Variants in USH1C observed in about 807,000 individuals in gnomAD.
USH1C encodes harmonin.
USH1C carries 90 observed loss-of-function variants against 119.3 expected under a neutral mutation model. The ratio of observed to expected loss-of-function variants is 0.75; its 90% CI spans 0.64 to 0.90. The LOEUF is 0.90. Ranked by LOEUF, USH1C falls within the 40% of genes least tolerant of loss-of-function variation. The probability of loss-of-function intolerance (pLI) is 0.00; values close to 1 mark genes in which losing one functional copy is unlikely to be tolerated. For synonymous variants in USH1C, 465 were observed against 443.3 expected (o/e 1.05, Z -0.62); for missense variants, 1,165 against 1,167.7 (o/e 1.00, Z 0.03).
In USH1C at chr11:17,495,593, C is replaced by T; in HGVS notation, c.2631G>A (p.Gly877=). ...CCGTGGGCTCCAGCTGCAGGAGGAA[C>T]CCGTGTCTGTGCACGGCAGCACGGT... is the stretch of plus-strand genomic sequence containing the variant. ...LEDRAAVHRH[G]FLLQLEPTDL... The change falls in exon 26 of 27, where the codon GGG becomes GGA. Residue 877 remains glycine, a synonymous_variant. Coordinates refer to ENST00000005226, the MANE Select transcript of USH1C (RefSeq NM_153676.4). The T allele has an allele frequency of 6.2e-7, 1 of 1,614,176 alleles. No individual in the cohort carries two copies.
chr11:17,523,771 T>C (rs1234090581), intron 9 of USH1C, among the ~76,000 whole-genome samples: 1 of 152,230 alleles, frequency 6.6e-6, no homozygotes, highest in Admixed American at 6.5e-5. Context: ...AAAATCACAG[T>C]TTGCAGATGC....
At position 17,531,366 on chromosome 11, in the gene USH1C, C is replaced by T; in HGVS notation, c.248+33G>A. ...GCCCCGCCCAGGGTGATCTCTCCAC[C>T]CCCTGCCTCCAGCCTGGTGGCTTCC... is the stretch of plus-strand genomic sequence containing the variant. On this transcript the variant is annotated intron_variant, in intron 3 of 26. Coordinates refer to ENST00000005226, the MANE Select transcript of USH1C (RefSeq NM_153676.4). This position sits in a 1 kb window ranked among gnomAD's most constrained non-coding sequence, Gnocchi z 4.2. The T allele has an allele frequency of 6.2e-7, 1 of 1,613,776 alleles. No individual in the cohort carries two copies. The highest frequency in any genetic ancestry group is 2.2e-5 in the East Asian group (1 of 44,856).
intron 1 of USH1C, among the ~76,000 whole-genome samples, chr11:17,534,187 C>T (rs546218409): frequency 1.1e-3 from 173 of 152,346 alleles, no homozygotes; most frequent in African/African-American, 3.9e-3. Flanking sequence ...TCCAGCCTCC[C>T]GGCCCAGGGC....
At chr11:17,540,388 C>T (rs545746225) in intron 1 of USH1C, among the ~76,000 whole-genome samples, 19 of 152,094 alleles carry the variant, frequency 1.2e-4, no homozygotes, top group Non-Finnish European at 2.5e-4. Context: ...CTTGCTGCTC[C>T]TTCTCCTCCA....
rs190764916 is a variant in USH1C at position 17,524,372 on chromosome 11, C to T, written c.759+79G>A. 1,229 of 1,475,500 alleles carry T rather than the reference C, an allele frequency of 8.3e-4. 12 individuals are homozygous for T. The African/African-American group carries it at 0.016, about 19-fold the overall frequency. 91.4% of individuals were successfully genotyped at this position (1,475,500 alleles called of 1,614,324 possible). ...TGAAAGAGGGCCATGTGGAAAGGCA[C>T]CTGCCCCTGTCACCGCGGGATCACA... On this transcript the variant is annotated intron_variant, in intron 9 of 26. Transcript: ENST00000005226.
chr11:17,521,684 C>T (rs1478904077), intron 12 of USH1C, among the ~76,000 whole-genome samples: 1 of 152,200 alleles, frequency 6.6e-6, no homozygotes, highest in Non-Finnish European at 1.5e-5. Context: ...GCACCCTCCT[C>T]CAAACACTTA....
rs775407483 is a variant in USH1C at position 17,531,267 on chromosome 11, G to T, written c.274C>A (p.Arg92Ser). 5.6e-6 allele frequency: 9 copies of T among 1,614,130 alleles called. No homozygotes were observed. The highest frequency in any genetic ancestry group is 6.8e-6 in the Non-Finnish European group (8 of 1,180,034). ...SRKLKEVRLD[R>S]LHPEGLGLSV... The stretch of plus-strand genomic sequence containing the variant: ...AGGCCGAGGCCTTCGGGGTGCAGAC[G>T]GTCCAGACGCACCTCCTTCAGCTTC... The change falls in exon 4 of 27, where the codon CGT becomes AGT. Residue 92 changes from arginine (R) to serine (S), a missense_variant. By Grantham distance (110) the Arg-to-Ser change is moderately radical (BLOSUM62 -1). Coordinates refer to ENST00000005226, the MANE Select transcript of USH1C (RefSeq NM_153676.4). The surrounding 1 kb of genome is among the most constrained non-coding windows in gnomAD (Gnocchi z 4.2).
intron 8 of USH1C, among the ~76,000 whole-genome samples, chr11:17,525,567 G>A (rs1850631837): frequency 6.6e-6 from 1 of 152,204 alleles, no homozygotes; most frequent in African/African-American, 2.4e-5. Flanking sequence ...TTAAGTAACT[G>A]GCCCAAGGTT....
At chr11:17,526,683 C>A in intron 7 of USH1C, 70 bp downstream of exon 7, 1 of 1,536,718 alleles carries the variant, frequency 6.5e-7, no homozygotes, top group Non-Finnish European at 9.0e-7. Context: ...CAAGCCCTCC[C>A]TTCAGGACCG....
At position 17,531,282 on chromosome 11, in the gene USH1C, C is replaced by T. The variant is rs1335710937; in HGVS notation, c.259G>A (p.Glu87Lys). The T allele has an allele frequency of 1.2e-6, 2 of 1,614,046 alleles. No individual in the cohort carries two copies. Among genetic ancestry groups the T allele is most frequent in the African/African-American group, 2.7e-5 (2 of 74,928 alleles). ...GGGTGCAGACGGTCCAGACGCACCT[C>T]CTTCAGCTTCCTGCCACACAGGAGA... ...LTPRRSRKLK[E>K]VRLDRLHPEG... Residue 87 changes from glutamate to lysine, a missense_variant, in exon 4 of 27, where the codon GAG (glutamate) becomes AAG (lysine). Physicochemically the swap from Glu to Lys is moderately conservative, Grantham distance 56. Coordinates refer to ENST00000005226, the MANE Select transcript of USH1C (RefSeq NM_153676.4). This position sits in a 1 kb window ranked among gnomAD's most constrained non-coding sequence, Gnocchi z 4.2.
At position 17,524,686 on chromosome 11, in the gene USH1C, C is replaced by G. The variant is rs1275976896; in HGVS notation, c.675-151G>C. On this transcript the variant is annotated intron_variant, in intron 8 of 26. Coordinates refer to ENST00000005226, the MANE Select transcript of USH1C (RefSeq NM_153676.4). ...TCTCCAGCCTGATTTCTACTGCTAC[C>G]CTGGGCAACAGCCACAGAAAAATCC... The G allele has an allele frequency of 4.7e-6, 4 of 859,466 alleles. No homozygotes were observed. In the East Asian group the frequency reaches 8.0e-5, roughly 17 times the overall value. The allele number at this position is 859,466 out of a possible 1,614,324, so 53.2% of individuals were successfully genotyped here.
intron 15 of USH1C, among the ~76,000 whole-genome samples, chr11:17,513,036 T>C (rs1158542672): frequency 6.6e-6 from 1 of 152,192 alleles, no homozygotes; most frequent in Non-Finnish European, 1.5e-5. Context: ...TGATCTCCTA[T>C]GTAGGTTTAT....
chr11:17,519,025 A>G (rs1432462445), intron 14 of USH1C, among the ~76,000 whole-genome samples: 3 of 101,354 alleles, frequency 3.0e-5, no homozygotes, highest in African/African-American at 1.4e-4. Flanking sequence ...CTGTCTCAAG[A>G]AAAAAAAAAA....
chr11:17,509,163 C>T (rs1422360754), intron 18 of USH1C, among the ~76,000 whole-genome samples, 193 bp downstream of exon 18: 4 of 152,216 alleles, frequency 2.6e-5, no homozygotes, highest in African/African-American at 9.6e-5. Flanking sequence ...CAATACAGCA[C>T]TTCAAAATCA....
chr11:17,528,288 G>A (rs997333712), intron 4 of USH1C, among the ~76,000 whole-genome samples: 5 of 152,206 alleles, frequency 3.3e-5, no homozygotes, highest in African/African-American at 1.2e-4. Flanking sequence ...GCCAGCCCTG[G>A]ATACAGAGCC....
Position 17,505,928 on chromosome 11 carries a change from G to A in USH1C, c.2035C>T (p.Pro679Ser), listed in dbSNP as rs1370394973. The change falls in exon 19 of 27, where the codon CCT becomes TCT. Residue 679 changes from proline to serine, a missense_variant. Pro to Ser is a moderately conservative substitution (Grantham distance 74, BLOSUM62 -1). Transcript: ENST00000005226. ...GTGGACACGCCAGGGCCTCGTGGAG[G>A]CTGTGGGCTTGGGCAAAATGTCTAA... ...TPKTFCPSPQ[P>S]PRGPGVSTIS... The A allele has an allele frequency of 2.5e-6, 4 of 1,614,120 alleles. No individual in the cohort carries two copies. The highest frequency in any genetic ancestry group is 3.4e-6 in the Non-Finnish European group (4 of 1,180,054).
chr11:17,512,241 G>C (rs923850623), intron 15 of USH1C, among the ~76,000 whole-genome samples, 187 bp from the exon 16 acceptor site: 1 of 152,118 alleles, frequency 6.6e-6, no homozygotes, highest in Admixed American at 6.5e-5. Flanking sequence ...ACTGCAGAGT[G>C]GGAGACACAT....
chr11:17,536,340 C>A (rs1851230638), intron 1 of USH1C, among the ~76,000 whole-genome samples: 1 of 152,206 alleles, frequency 6.6e-6, no homozygotes, highest in Admixed American at 6.5e-5. Flanking sequence ...CTTGCTGTAG[C>A]ATTAGATTTC....
At position 17,509,531 on chromosome 11, in the gene USH1C, G is replaced by C. The variant is rs146191588; in HGVS notation, c.1838C>G (p.Thr613Ser). The part of the protein sequence containing the change: ...IPIPPPPSVP[T>S]QDLTPTRPLP... ...TGGGCGGGTGGGAGTGAGGTCTTGG[G>C]TGGGAACGGATGGCGGGGGAGGGAT... The change falls in exon 18 of 27, where the codon ACC becomes AGC. Residue 613 changes from threonine (T) to serine (S), a missense_variant. Transcript: ENST00000005226. 4.7e-5 allele frequency: 75 copies of C among 1,608,614 alleles called. No individual in the cohort carries two copies. The highest frequency in any genetic ancestry group is 6.2e-5 in the Non-Finnish European group (73 of 1,177,478).
Sources: gnomAD v4.1 joint callset for allele counts (sites outside exome capture counted in the v4.1 genomes callset) on GRCh38, gnomAD v4.1.1 for gene constraint, Gnocchi (gnomAD v3.1) non-coding constraint, MANE v1.5 for transcripts, NCBI Gene and HGNC (gene_info 2026-07-23, HGNC 2026-07-21) for gene names.